The following RAB38 variants were observed in gnomAD, a reference collection of about 807,000 sequenced individuals.
RAB38 encodes ras-related protein Rab-38.
Under a neutral mutation model 18.4 loss-of-function variants are expected in RAB38, and 15 were observed. The ratio of observed to expected loss-of-function variants is 0.82; its 90% confidence interval spans 0.55 to 1.26. The LOEUF (loss-of-function observed/expected upper bound fraction) is 1.26, where lower values mean the gene tolerates loss of function less well. Ranked by LOEUF, RAB38 falls within the 50% of genes most tolerant of loss-of-function variation. The pLI, the probability that RAB38 is intolerant of heterozygous loss-of-function variation, is 0.00. For synonymous variants in RAB38, 101 were observed against 104.4 expected (o/e 0.97, Z 0.20); for missense variants, 294 against 267.4 (o/e 1.10, Z -0.69).
At chr11:88,136,259 C>T (rs1942833087) in intron 2 of RAB38, among the ~76,000 whole-genome samples, 1 of 152,148 alleles carries the variant, frequency 6.6e-6, no homozygotes, top group Non-Finnish European at 1.5e-5. Context: ...CCAGTCTCAG[C>T]AGGCTTTCTC....
chr11:87,975,238 C>T, the RAB38 span, among the ~76,000 whole-genome samples: 8 of 151,810 alleles, frequency 5.3e-5, no homozygotes, highest in Non-Finnish European at 8.8e-5. Context: ...GGTGCATCTG[C>T]GAAGAAACTA....
At chr11:88,087,702 A>G in the RAB38 span, among the ~76,000 whole-genome samples, 2 of 151,888 alleles carry the variant, frequency 1.3e-5, no homozygotes, top group African/African-American at 4.8e-5. Context: ...AATTTTTTCT[A>G]GAAAAGGGGC....
intron 2 of RAB38, among the ~76,000 whole-genome samples, chr11:88,130,309 A>T (rs184715738): frequency 6.6e-6 from 1 of 152,144 alleles, no homozygotes; most frequent in East Asian, 1.9e-4. Flanking sequence ...ACAGAAGGAG[A>T]AGGGAAGTGA....
chr11:88,081,275 A>C, the RAB38 span, among the ~76,000 whole-genome samples: 7 of 151,962 alleles, frequency 4.6e-5, no homozygotes, highest in Non-Finnish European at 5.9e-5. Flanking sequence ...ACTACCCAGC[A>C]ATCCCACTCT....
At chr11:87,942,098 T>C in the RAB38 span, among the ~76,000 whole-genome samples, 2 of 152,216 alleles carry the variant, frequency 1.3e-5, no homozygotes, top group Admixed American at 6.5e-5. Flanking sequence ...TTTCTCCTTA[T>C]AAATGATCTC....
chr11:88,035,452 G>C, the RAB38 span, among the ~76,000 whole-genome samples: 1 of 152,084 alleles, frequency 6.6e-6, no homozygotes, highest in Non-Finnish European at 1.5e-5. Context: ...ATACATAAAG[G>C]GGAGTTTATT....
chr11:88,017,723 A>ATT, the RAB38 span, among the ~76,000 whole-genome samples: 1 of 144,000 alleles, frequency 6.9e-6, no homozygotes, highest in African/African-American at 2.6e-5. Flanking sequence ...TATAATATAT[A>ATT]TTATATATAT....
chr11:88,025,240 T>C, the RAB38 span, among the ~76,000 whole-genome samples: 1 of 150,950 alleles, frequency 6.6e-6, no homozygotes, highest in African/African-American at 2.4e-5. Context: ...TATATAACTA[T>C]ATATATTATA....
chr11:88,059,253 G>A, the RAB38 span, among the ~76,000 whole-genome samples: 2 of 152,170 alleles, frequency 1.3e-5, no homozygotes, highest in Non-Finnish European at 2.9e-5. Context: ...ATTAACACAC[G>A]TTTTGAATGG....
the RAB38 span, among the ~76,000 whole-genome samples, chr11:87,955,653 T>C: frequency 6.6e-6 from 1 of 151,726 alleles, no homozygotes; most frequent in Non-Finnish European, 1.5e-5. Context: ...CATTTAGCTC[T>C]TATATCTATC....
intron 1 of RAB38, chr11:88,173,596 T>A (rs1274992624): frequency 1.0e-6 from 1 of 985,290 alleles, no homozygotes; most frequent in East Asian, 1.1e-4. Flanking sequence ...GAAGTCCAAA[T>A]TACAGCTACA....
the RAB38 span, among the ~76,000 whole-genome samples, chr11:87,941,686 GA>G: frequency 6.6e-6 from 1 of 152,226 alleles, no homozygotes; most frequent in East Asian, 1.9e-4. Context: ...CAGCTATCAG[GA>G]AAAGGTATGA....
the RAB38 span, among the ~76,000 whole-genome samples, chr11:87,951,979 T>C: frequency 6.6e-6 from 1 of 152,110 alleles, no homozygotes; most frequent in Non-Finnish European, 1.5e-5. Context: ...CTGGGAGCTG[T>C]AGACAGGAGC....
chr11:87,942,979 C>T, the RAB38 span, among the ~76,000 whole-genome samples: 1 of 152,100 alleles, frequency 6.6e-6, no homozygotes, highest in African/African-American at 2.4e-5. Flanking sequence ...GGGAACTAGT[C>T]CAATAGCGGG....
the RAB38 span, among the ~76,000 whole-genome samples, chr11:87,966,753 T>C: frequency 6.6e-6 from 1 of 152,216 alleles, no homozygotes; most frequent in Non-Finnish European, 1.5e-5. Context: ...CTGCTGTAAT[T>C]CTTGGCAACA....
At chr11:87,881,310 T>C in the RAB38 span, among the ~76,000 whole-genome samples, 1 of 151,898 alleles carries the variant, frequency 6.6e-6, no homozygotes, top group African/African-American at 2.4e-5. Context: ...CCGTGGGTTA[T>C]TAACTTAAAA....
intron 2 of RAB38, among the ~76,000 whole-genome samples, chr11:88,139,272 C>T (rs1397836234): frequency 6.6e-6 from 1 of 152,192 alleles, no homozygotes; most frequent in Non-Finnish European, 1.5e-5. Flanking sequence ...TAATGCCACA[C>T]TGCACAATAT....
chr11:88,036,100 T>C, the RAB38 span, among the ~76,000 whole-genome samples: 4 of 152,212 alleles, frequency 2.6e-5, no homozygotes, highest in Non-Finnish European at 4.4e-5. Flanking sequence ...ATTATGATTA[T>C]TGTTAATAAT....
the RAB38 span, among the ~76,000 whole-genome samples, chr11:87,946,410 T>TTTAAG: frequency 1.3e-5 from 2 of 152,292 alleles, no homozygotes; most frequent in African/African-American, 2.4e-5. Flanking sequence ...TAAATTATAC[T>TTTAAG]TTAAGTTTTA....
Sources: gnomAD v4.1 joint callset for allele counts (sites outside exome capture counted in the v4.1 genomes callset) on GRCh38, gnomAD v4.1.1 for gene constraint, MANE v1.5 for transcripts, NCBI Gene and HGNC (gene_info 2026-07-23, HGNC 2026-07-21) for gene names.